Variants in CCDC91 observed in about 807,000 individuals in gnomAD.
CCDC91 encodes the protein coiled-coil domain-containing protein 91.
In CCDC91, 48 loss-of-function variants were observed where a neutral mutation model predicts 63.2. That is an observed-to-expected ratio of 0.76 (90% confidence interval 0.60 to 0.97). The LOEUF is 0.97. Ranked by LOEUF, CCDC91 falls within the 50% of genes least tolerant of loss-of-function variation. The pLI, the probability that CCDC91 is intolerant of heterozygous loss-of-function variation, is 0.00. For missense variants in CCDC91, 500 were observed against 494.6 expected (o/e 1.01, Z -0.10); for synonymous variants, 167 against 165.8 (o/e 1.01, Z -0.06).
chr12:28,532,420 CAT>C (rs1356810995), intron 12 of CCDC91, among the ~76,000 whole-genome samples: 1 of 151,930 alleles, frequency 6.6e-6, no homozygotes, highest in Non-Finnish European at 1.5e-5. Flanking sequence ...GATTTACAGT[CAT>C]AGCAATTATT....
At chr12:28,248,132 A>G (rs1945882541) in intron 1 of CCDC91, among the ~76,000 whole-genome samples, 1 of 152,174 alleles carries the variant, frequency 6.6e-6, no homozygotes, top group African/African-American at 2.4e-5. Context: ...AGAGAGAAGT[A>G]TGAGGCAAAG....
At chr12:28,472,793 A>G (rs553029395) in intron 11 of CCDC91, among the ~76,000 whole-genome samples, 65 of 152,326 alleles carry the variant, frequency 4.3e-4, no homozygotes, top group African/African-American at 1.5e-3. Context: ...ATTGCAGTGC[A>G]GATTAATTAC....
intron 6 of CCDC91, among the ~76,000 whole-genome samples, chr12:28,325,502 TTAATTA>T (rs1940906316): frequency 6.6e-6 from 1 of 152,046 alleles, no homozygotes; most frequent in African/African-American, 2.4e-5. Context: ...TAAAAATAAG[TTAATTA>T]TAAAGTAGAA....
intron 12 of CCDC91, among the ~76,000 whole-genome samples, chr12:28,492,938 G>C (rs1952087871): frequency 6.6e-6 from 1 of 151,242 alleles, no homozygotes; most frequent in Admixed American, 6.6e-5. Context: ...AGCAATATAG[G>C]CTCCCAGAAA....
chr12:28,308,788 G>T (rs1435963192), intron 6 of CCDC91, among the ~76,000 whole-genome samples: 2 of 151,866 alleles, frequency 1.3e-5, no homozygotes, highest in Non-Finnish European at 2.9e-5. Flanking sequence ...TTTTACATTT[G>T]ACAAATTATA....
At chr12:28,270,859 G>C (rs1947722891) in intron 3 of CCDC91, among the ~76,000 whole-genome samples, 1 of 152,044 alleles carries the variant, frequency 6.6e-6, no homozygotes, top group South Asian at 2.1e-4. Context: ...TCTATTGTTT[G>C]ATTTCTCCCC....
At chr12:28,515,284 A>T (rs1259429520) in intron 12 of CCDC91, among the ~76,000 whole-genome samples, 1 of 151,842 alleles carries the variant, frequency 6.6e-6, no homozygotes, top group African/African-American at 2.4e-5. Flanking sequence ...TTTCCCCATT[A>T]GCTAAAGCTT....
intron 8 of CCDC91, among the ~76,000 whole-genome samples, chr12:28,447,799 AG>A (rs1949592416): frequency 1.0e-4 from 1 of 9,828 alleles, no homozygotes; most frequent in Non-Finnish European, 1.8e-4. Flanking sequence ...AGGGGAGGGG[AG>A]GGGAGGGGAG....
chr12:28,523,507 A>C (rs1254845288), intron 12 of CCDC91, among the ~76,000 whole-genome samples: 1 of 152,024 alleles, frequency 6.6e-6, no homozygotes, highest in Non-Finnish European at 1.5e-5. Context: ...CAGCACACTG[A>C]TGGGTCTTGA....
rs750535226 is a variant in CCDC91 at position 28,391,394 on chromosome 12, G to C, written c.745G>C (p.Glu249Gln). ...TGAGAAACAGGCACACAAGTGTGAG[G>C]AGTTGCTAAATGCTCAGGTAATAAA... The part of the protein sequence containing the change: ...AIEKQAHKCE[E>Q]LLNAQHQRLL... Residue 249 changes from glutamate (E) to glutamine (Q), a missense_variant, in exon 8 of 13, where the codon GAG (glutamate) becomes CAG (glutamine). Transcript: ENST00000536442. 14 of 1,604,900 alleles carry C rather than the reference G, an allele frequency of 8.7e-6. No homozygotes were observed. Among genetic ancestry groups the C allele is most frequent in the Non-Finnish European group, 1.2e-5 (14 of 1,171,916 alleles).
intron 1 of CCDC91, among the ~76,000 whole-genome samples, chr12:28,219,647 A>AT (rs1943802925): frequency 1.3e-5 from 2 of 151,246 alleles, no homozygotes; most frequent in Non-Finnish European, 1.5e-5. Flanking sequence ...AATTTTTTGT[A>AT]TTTTTTTAGT....
At position 28,489,628 on chromosome 12, in the gene CCDC91, C is replaced by T. The variant is rs1174796699; in HGVS notation, c.1215+5463C>T. Among the ~76,000 whole-genome samples, 3 of 151,842 alleles carry T rather than the reference C, an allele frequency of 2.0e-5. No homozygotes were observed. The South Asian group carries it at 6.2e-4, about 32-fold the overall frequency. ...ATTATTGCCTGTGTTTTCTAAATCA[C>T]CTCCAGGAAAATAACCTTCACTTTA... On this transcript the variant is annotated intron_variant, in intron 12 of 12. Transcript: ENST00000536442.
At position 28,402,127 on chromosome 12, in the gene CCDC91, A is replaced by G. The variant is rs559575267; in HGVS notation, c.762+10716A>G. 2.0e-5 allele frequency among the ~76,000 whole-genome samples: 3 copies of G among 151,948 alleles called. No individual in the cohort carries two copies. In the East Asian group the frequency reaches 5.8e-4, roughly 29 times the overall value. On this transcript the variant is annotated intron_variant, in intron 8 of 12. Coordinates refer to ENST00000536442, the MANE Select transcript of CCDC91 (RefSeq NM_018318.5). ...GTTGAATTTTTTTGTGTTGTGGGGG[A>G]TTCCCCTGTGCGTTACATGATACTT... is the stretch of plus-strand genomic sequence containing the variant.
At chr12:28,545,266 G>A (rs1942906904) in intron 12 of CCDC91, among the ~76,000 whole-genome samples, 1 of 151,870 alleles carries the variant, frequency 6.6e-6, no homozygotes, top group Non-Finnish European at 1.5e-5. Flanking sequence ...ATACCTTAAG[G>A]AGCAAAAAAG....
rs374479436 is a variant in CCDC91, at chr12:28,547,497, A to G, written c.1216-1566A>G. On this transcript the variant is annotated intron_variant, in intron 12 of 12. Transcript: ENST00000536442. ...ATGTGCCAGACCCCCTCTAGATGCTAGGGATAAAGTAGTTAGCAAGACAGA... is the reference window on the plus strand; with the variant it reads ...ATGTGCCAGACCCCCTCTAGATGCTGGGGATAAAGTAGTTAGCAAGACAGA... Among the ~76,000 whole-genome samples, 54 of 152,210 alleles carry G rather than the reference A, an allele frequency of 3.5e-4. 1 individual carries two copies. In the South Asian group the frequency reaches 3.9e-3, roughly 11 times the overall value.
intron 12 of CCDC91, among the ~76,000 whole-genome samples, chr12:28,541,992 A>C (rs1942661846): frequency 6.6e-6 from 1 of 152,058 alleles, no homozygotes; most frequent in Non-Finnish European, 1.5e-5. Flanking sequence ...CTAAAATTCT[A>C]AATCTATGGC....
intron 3 of CCDC91, among the ~76,000 whole-genome samples, chr12:28,293,422 GT>G (rs1949364407): frequency 6.6e-6 from 1 of 152,170 alleles, no homozygotes; most frequent in Admixed American, 6.5e-5. Flanking sequence ...CTTTAAAGTA[GT>G]TTTGTTTTAC....
intron 1 of CCDC91, among the ~76,000 whole-genome samples, chr12:28,250,699 AT>A (rs1592106868): frequency 6.6e-6 from 1 of 152,020 alleles, no homozygotes; most frequent in African/African-American, 2.4e-5. Context: ...TCAGTCATTT[AT>A]TTTGAAGGCA....
chr12:28,523,950 A>G (rs1214611427), intron 12 of CCDC91, among the ~76,000 whole-genome samples: 1 of 152,130 alleles, frequency 6.6e-6, no homozygotes, highest in Non-Finnish European at 1.5e-5. Flanking sequence ...ATCCACTGTG[A>G]ACGCCACAAA....
Sources: allele counts gnomAD v4.1 joint callset (sites outside exome capture counted in the v4.1 genomes callset), GRCh38; gene constraint gnomAD v4.1.1; transcripts MANE v1.5; gene names NCBI Gene and HGNC (gene_info 2026-07-23, HGNC 2026-07-21).